The following UTP20 variants were observed in gnomAD, a reference collection of about 807,000 sequenced individuals.
The protein encoded by UTP20 is UTP20 small subunit processome component, also known as small subunit processome component 20 homolog.
Under a neutral mutation model 329.5 loss-of-function variants are expected in UTP20, and 164 were observed. The ratio of observed to expected loss-of-function variants is 0.50; its 90% CI spans 0.44 to 0.57. The LOEUF (loss-of-function observed/expected upper bound fraction) is 0.57, where lower values mean the gene tolerates loss of function less well. Among genes scored for constraint, UTP20 ranks in the 20% least tolerant of loss-of-function variants. The pLI is 0.00. For missense variants in UTP20, 3,055 were observed against 3,284.2 expected (o/e 0.93, Z 1.71); for synonymous variants, 1,151 against 1,159.3 (o/e 0.99, Z 0.14).
rs368178402 is a variant in UTP20, at chr12:101,309,826, A to G, written c.2218A>G (p.Ile740Val). ...TTTCAGTGCACTCTGGGATCCTGTT[A>G]TTGAACTCATAAGGTAAACATGGGT... Reference protein sequence around the residue: ...INFSALWDPVIELISSHAHEM... With the variant: ...INFSALWDPVVELISSHAHEM... The change falls in exon 19 of 62, where the codon ATT (isoleucine) becomes GTT (valine). Residue 740 changes from isoleucine (I) to valine (V), a missense_variant. Around this residue, in one of 3 missense-constraint regions of UTP20, gnomAD observed 2,445 missense variants for 2,575.5 expected, o/e 0.95. Transcript: ENST00000261637. 1,185 of 1,613,554 alleles carry G rather than the reference A, an allele frequency of 7.3e-4. 28 individuals carry two copies. In the South Asian group the frequency reaches 0.012, roughly 16 times the overall value.
chr12:101,333,550 C>A (rs1868832579), intron 28 of UTP20, 106 bp downstream of exon 28: 3 of 1,370,708 alleles, frequency 2.2e-6, no homozygotes, highest in Non-Finnish European at 3.0e-6. Flanking sequence ...CTGGGTCTTT[C>A]CTTTTACATC....
At chr12:101,290,928 T>A (rs375330308) in intron 8 of UTP20, 40 bp downstream of exon 8, 29 of 1,580,436 alleles carry the variant, frequency 1.8e-5, no homozygotes, top group Non-Finnish European at 2.3e-5. Context: ...TGATAAGGAG[T>A]CTAAGAATTT....
At chr12:101,305,665 G>A (rs554605470) in intron 15 of UTP20, among the ~76,000 whole-genome samples, 87 of 149,704 alleles carry the variant, frequency 5.8e-4, no homozygotes, top group Middle Eastern at 7.0e-3. Flanking sequence ...GATTGAAGAG[G>A]CAACATTGGA....
chr12:101,308,208 G>A lies in UTP20; in HGVS notation c.2019G>A (p.Gln673=). ...AGGATGATGGGCTCTCAGAGCGGCAGTCTGTCTTTGCTATATTACGCCAGG... is the reference window on the plus strand; with the variant it reads ...AGGATGATGGGCTCTCAGAGCGGCAATCTGTCTTTGCTATATTACGCCAGG... ...SMEDDGLSER[Q]SVFAILRQAE... The change falls in exon 18 of 62, where the codon CAG becomes CAA. Residue 673 remains glutamine (Q), a synonymous_variant. Coordinates refer to ENST00000261637, the MANE Select transcript of UTP20 (RefSeq NM_014503.3). The A allele has an allele frequency of 6.2e-7, 1 of 1,611,114 alleles. No individual in the cohort carries two copies. The highest frequency in any genetic ancestry group is 8.5e-7 in the Non-Finnish European group (1 of 1,178,620).
intron 38 of UTP20, 70 bp from the exon 39 acceptor site, chr12:101,351,985 A>G: frequency 6.4e-7 from 1 of 1,558,304 alleles, no homozygotes; most frequent in Non-Finnish European, 8.8e-7. Flanking sequence ...CTTTTTCAAT[A>G]TACTGAGTTA....
At chr12:101,356,883 T>A in intron 42 of UTP20, 43 bp from the exon 43 acceptor site, 1 of 1,576,658 alleles carries the variant, frequency 6.3e-7, no homozygotes, top group South Asian at 1.2e-5. Flanking sequence ...TTTAATTGCT[T>A]CTGTTTATTT....
Position 101,312,164 on chromosome 12 carries a change from A to G in UTP20, c.2440A>G (p.Arg814Gly), listed in dbSNP as rs1389856320. The change falls in exon 21 of 62, where the codon AGA (arginine) becomes GGA (glycine). Residue 814 changes from arginine to glycine, a missense_variant. Coordinates refer to ENST00000261637, the MANE Select transcript of UTP20 (RefSeq NM_014503.3). ...QLALKTDCQE[R>G]LDHTNFRFLL... ...AGCATTGAAAACTGACTGTCAGGAAAGACTTGACCACACCAACTTCAGATT... is the reference window on the plus strand; with the variant it reads ...AGCATTGAAAACTGACTGTCAGGAAGGACTTGACCACACCAACTTCAGATT... The G allele has an allele frequency of 6.2e-7, 1 of 1,614,210 alleles. No homozygotes were observed. Among genetic ancestry groups the G allele is most frequent in the Non-Finnish European group, 8.5e-7 (1 of 1,180,046 alleles).
chr12:101,309,950 A>G (rs1872735013), intron 19 of UTP20, 111 bp downstream of exon 19: 4 of 910,860 alleles, frequency 4.4e-6, no homozygotes, highest in Admixed American at 2.2e-5. Context: ...TGTATATGGT[A>G]TTTACAGTAC....
At chr12:101,361,187 T>C (rs1869901556) in intron 43 of UTP20, among the ~76,000 whole-genome samples, 1 of 152,226 alleles carries the variant, frequency 6.6e-6, no homozygotes, top group South Asian at 2.1e-4. Flanking sequence ...GTACCTACCC[T>C]GTAGTAAGCT....
chr12:101,337,857 T>A (rs1491000670), intron 29 of UTP20, among the ~76,000 whole-genome samples, 194 bp from the exon 30 acceptor site: 1 of 152,166 alleles, frequency 6.6e-6, no homozygotes, highest in Non-Finnish European at 1.5e-5. Context: ...ATATATAAAG[T>A]GCCTAAGTAA....
At chr12:101,371,243 G>A in intron 51 of UTP20, 75 bp downstream of exon 51, 1 of 1,078,216 alleles carries the variant, frequency 9.3e-7, no homozygotes, top group Non-Finnish European at 1.3e-6. Flanking sequence ...GTCAACACTG[G>A]CTGAATTCTG....
chr12:101,323,417 G>A (rs1019180576), intron 25 of UTP20, among the ~76,000 whole-genome samples: 1 of 152,140 alleles, frequency 6.6e-6, no homozygotes, highest in African/African-American at 2.4e-5. Flanking sequence ...CCAACCATAA[G>A]TTTGAACCAC....
rs191648028 is a variant in UTP20, at chr12:101,330,847, C to T, written c.3417+1398C>T. Among the ~76,000 whole-genome samples the T allele has an allele frequency of 8.1e-4, 124 of 152,284 alleles. 1 individual carries two copies. The highest frequency in any genetic ancestry group is 2.5e-3 in the African/African-American group (105 of 41,550). ...GTTCATTAGTTAATGAGATTTTAAGCTTGTTGACAGATAGGAGCTTTCTTA... is the reference window on the plus strand; with the variant it reads ...GTTCATTAGTTAATGAGATTTTAAGTTTGTTGACAGATAGGAGCTTTCTTA... On this transcript the variant is annotated intron_variant, in intron 27 of 61. Transcript: ENST00000261637.
At position 101,290,159 on chromosome 12, in the gene UTP20, T is replaced by C. The variant is rs780629141; in HGVS notation, c.620T>C (p.Phe207Ser). Residue 207 changes from phenylalanine (F) to serine (S), a missense_variant, in exon 7 of 62, where the codon TTC (phenylalanine) becomes TCC (serine). Around this residue, in one of 3 missense-constraint regions of UTP20, gnomAD observed 2,445 missense variants for 2,575.5 expected, o/e 0.95. Coordinates refer to ENST00000261637, the MANE Select transcript of UTP20 (RefSeq NM_014503.3). ...TAGGTCTCTGATAAAAACGCACTTT[T>C]CAATTTAATGTTTCTTGATCTTGAT... ...MRKVSDKNALFNLMFLDLDKH... is the reference protein window; with the variant it reads ...MRKVSDKNALSNLMFLDLDKH... 6.3e-7 allele frequency: 1 copy of C among 1,599,036 alleles called. No homozygotes were observed.
chr12:101,342,974 A>T lies in UTP20; in HGVS notation c.4330A>T (p.Ile1444Phe), dbSNP rs1869192781. The T allele has an allele frequency of 2.5e-6, 4 of 1,613,728 alleles. No homozygotes were observed. In the East Asian group the frequency reaches 8.9e-5, roughly 36 times the overall value. The change falls in exon 35 of 62, where the codon ATC becomes TTC. Residue 1444 changes from isoleucine to phenylalanine, a missense_variant. Ile to Phe is a conservative substitution (Grantham distance 21). Around this residue, in one of 3 missense-constraint regions of UTP20, gnomAD observed 2,445 missense variants for 2,575.5 expected, o/e 0.95. Coordinates refer to ENST00000261637, the MANE Select transcript of UTP20 (RefSeq NM_014503.3). ...NAFDQRHLDD[I>F]NFDVRFETFQ... ...CTTCGATCAAAGACATCTTGATGAT[A>T]TCAACTTCGACGTTCGCTTTGAGAC...
intron 36 of UTP20, 64 bp from the exon 37 acceptor site, chr12:101,345,490 T>C: frequency 9.3e-7 from 1 of 1,075,524 alleles, no homozygotes; most frequent in Non-Finnish European, 1.3e-6. Flanking sequence ...TTTTTTCTGT[T>C]TCCTCATATT....
At chr12:101,292,201 G>A in intron 10 of UTP20, 97 bp downstream of exon 10, 1 of 1,320,618 alleles carries the variant, frequency 7.6e-7, no homozygotes, top group Non-Finnish European at 1.0e-6. Flanking sequence ...CAAAGGCTCT[G>A]CCCTCAAGGA....
chr12:101,281,966 G>A (rs1160073858), intron 2 of UTP20, among the ~76,000 whole-genome samples: 1 of 152,158 alleles, frequency 6.6e-6, no homozygotes, highest in Non-Finnish European at 1.5e-5. Flanking sequence ...GCCTCCGAAA[G>A]TGCTGGGATT....
chr12:101,283,443 C>T (rs111653649), intron 2 of UTP20, among the ~76,000 whole-genome samples: 2,815 of 152,190 alleles, frequency 0.018, 27 homozygotes, highest in Admixed American at 0.022. Flanking sequence ...TCACTTTCAT[C>T]GCATGTTATT....
Sources: allele counts gnomAD v4.1 joint callset (sites outside exome capture counted in the v4.1 genomes callset), GRCh38; gene constraint gnomAD v4.1.1; regional missense constraint gnomAD v4.1.1; transcripts MANE v1.5; gene names NCBI Gene and HGNC (gene_info 2026-07-23, HGNC 2026-07-21).